The following HS6ST3 variants were observed in gnomAD, a reference collection of about 807,000 sequenced individuals.
HS6ST3 encodes heparan sulfate 6-O-sulfotransferase 3, also known as heparan-sulfate 6-O-sulfotransferase 3.
In HS6ST3, 12 loss-of-function variants were observed where a neutral mutation model predicts 36.7. The observed-to-expected ratio is 0.33, with a 90% confidence interval of 0.21 to 0.53. The LOEUF (loss-of-function observed/expected upper bound fraction) is 0.53. HS6ST3 is among the 20% of genes least tolerant of loss of function. The pLI, the probability that HS6ST3 is intolerant of heterozygous loss-of-function variation, is 0.95. For missense variants in HS6ST3, 584 were observed against 640.9 expected (o/e 0.91, Z 0.96); for synonymous variants, 240 against 257.5 (o/e 0.93, Z 0.65).
chr13:96,831,189 A>G (rs138565988), intron 1 of HS6ST3, among the ~76,000 whole-genome samples: 238 of 152,310 alleles, frequency 1.6e-3, no homozygotes, highest in African/African-American at 5.6e-3. Flanking sequence ...TGTCCTTTTA[A>G]ACCACAGATG....
At chr13:96,662,505 G>T (rs1422388327) in intron 1 of HS6ST3, among the ~76,000 whole-genome samples, 3 of 100,080 alleles carry the variant, frequency 3.0e-5, no homozygotes, top group African/African-American at 1.2e-4. Context: ...GTTTGTGTGT[G>T]TGTGTATGGG....
At chr13:96,316,470 A>G (rs910316531) in intron 1 of HS6ST3, among the ~76,000 whole-genome samples, 2 of 152,100 alleles carry the variant, frequency 1.3e-5, no homozygotes, top group South Asian at 2.1e-4. Flanking sequence ...CTTATTTGTC[A>G]TGGATTTGGA....
chr13:96,264,003 C>T (rs1013270121), intron 1 of HS6ST3, among the ~76,000 whole-genome samples: 1 of 152,184 alleles, frequency 6.6e-6, no homozygotes, highest in African/African-American at 2.4e-5. Context: ...GGCCCACCTT[C>T]CAGGGCTAGG....
chr13:96,738,583 A>T (rs937496404), intron 1 of HS6ST3, among the ~76,000 whole-genome samples: 2 of 152,178 alleles, frequency 1.3e-5, no homozygotes, highest in Non-Finnish European at 2.9e-5. Context: ...TTTAAATAGC[A>T]GAACATTTTT....
intron 1 of HS6ST3, among the ~76,000 whole-genome samples, chr13:96,380,457 T>A (rs1813005): frequency 0.84 from 127,357 of 151,802 alleles, 53,854 homozygotes; most frequent in South Asian, 0.91. Flanking sequence ...GTAGAGATGG[T>A]GTTTCACCAT....
At chr13:96,331,834 C>T (rs921665661) in intron 1 of HS6ST3, among the ~76,000 whole-genome samples, 3 of 152,144 alleles carry the variant, frequency 2.0e-5, no homozygotes, top group African/African-American at 7.2e-5. Context: ...ATCAGCGAGA[C>T]TCCGTGGGCG....
At chr13:96,787,244 G>A (rs868602261) in intron 1 of HS6ST3, among the ~76,000 whole-genome samples, 1 of 152,058 alleles carries the variant, frequency 6.6e-6, no homozygotes, top group African/African-American at 2.4e-5. Flanking sequence ...AAATACCGAG[G>A]AGTAGGATGA....
chr13:96,228,162 C>T (rs977779527), intron 1 of HS6ST3, among the ~76,000 whole-genome samples: 6 of 152,072 alleles, frequency 3.9e-5, no homozygotes, highest in Non-Finnish European at 8.8e-5. Flanking sequence ...TGAAACCAGC[C>T]ATAGATAATA....
At chr13:96,327,805 C>T (rs1376851589) in intron 1 of HS6ST3, among the ~76,000 whole-genome samples, 2 of 151,856 alleles carry the variant, frequency 1.3e-5, no homozygotes, top group Non-Finnish European at 2.9e-5. Flanking sequence ...ATTCTTCCTA[C>T]CCATGAGCAT....
intron 1 of HS6ST3, among the ~76,000 whole-genome samples, chr13:96,178,933 C>G (rs1406234193): frequency 6.6e-6 from 1 of 152,194 alleles, no homozygotes; most frequent in Non-Finnish European, 1.5e-5. Flanking sequence ...ACCTGAATTA[C>G]ATTGGCATTG....
intron 1 of HS6ST3, among the ~76,000 whole-genome samples, chr13:96,206,657 C>T (rs1003284045): frequency 2.6e-5 from 4 of 152,134 alleles, no homozygotes; most frequent in South Asian, 2.1e-4. Flanking sequence ...TAAGATCACA[C>T]ATCTACAACC....
chr13:96,663,563 A>G (rs528104300), intron 1 of HS6ST3, among the ~76,000 whole-genome samples: 9 of 152,324 alleles, frequency 5.9e-5, no homozygotes, highest in South Asian at 4.1e-4. Context: ...GGAATATGCA[A>G]TGCTACATCT....
chr13:96,682,419 C>G (rs2056721597), intron 1 of HS6ST3, among the ~76,000 whole-genome samples: 1 of 152,052 alleles, frequency 6.6e-6, no homozygotes, highest in Non-Finnish European at 1.5e-5. Flanking sequence ...TGTTCCTACG[C>G]AGTTATATTT....
intron 1 of HS6ST3, among the ~76,000 whole-genome samples, chr13:96,130,582 G>A (rs1251352928): frequency 1.3e-5 from 2 of 152,126 alleles, no homozygotes; most frequent in Non-Finnish European, 2.9e-5. Context: ...ATACCATGGG[G>A]AAAAAATAAC....
intron 1 of HS6ST3, among the ~76,000 whole-genome samples, chr13:96,517,845 G>A (rs959007289): frequency 1.7e-4 from 26 of 152,102 alleles, no homozygotes; most frequent in African/African-American, 4.8e-4. Flanking sequence ...AAGTGAAAAC[G>A]TGCAGTATTT....
chr13:96,129,679 C>T (rs2053967200), intron 1 of HS6ST3, among the ~76,000 whole-genome samples: 2 of 152,162 alleles, frequency 1.3e-5, no homozygotes, highest in Admixed American at 6.5e-5. Context: ...TGTTGTCCTC[C>T]TAATCCCCAG....
intron 1 of HS6ST3, among the ~76,000 whole-genome samples, chr13:96,580,219 TA>T (rs2056336970): frequency 6.8e-6 from 1 of 146,864 alleles, no homozygotes; most frequent in Non-Finnish European, 1.5e-5. Flanking sequence ...TATATATATA[TA>T]TATATATTTA....
At chr13:96,101,165 A>G (rs185993079) in intron 1 of HS6ST3, among the ~76,000 whole-genome samples, 5 of 152,206 alleles carry the variant, frequency 3.3e-5, no homozygotes, top group Non-Finnish European at 7.3e-5. Context: ...AGTAGACAAC[A>G]CACATTTTAT....
At chr13:96,203,052 A>G (rs771905622) in intron 1 of HS6ST3, among the ~76,000 whole-genome samples, 1 of 152,064 alleles carries the variant, frequency 6.6e-6, no homozygotes, top group South Asian at 2.1e-4. Context: ...CATTCATGTT[A>G]CTGTCTGCCT....
Sources: gnomAD v4.1 joint callset for allele counts (sites outside exome capture counted in the v4.1 genomes callset) on GRCh38, gnomAD v4.1.1 for gene constraint, MANE v1.5 for transcripts, NCBI Gene and HGNC (gene_info 2026-07-23, HGNC 2026-07-21) for gene names.